DISC1: variants seen among roughly 807,000 people sequenced by gnomAD.
DISC1 encodes the protein DISC1 scaffold protein.
Under a neutral mutation model 84.5 loss-of-function variants are expected in DISC1, and 57 were observed. The observed-to-expected ratio is 0.67, with a 90% CI of 0.55 to 0.84. The LOEUF (loss-of-function observed/expected upper bound fraction) is 0.84, where lower values mean the gene tolerates loss of function less well. Among genes scored for constraint, DISC1 ranks in the 40% least tolerant of loss-of-function variants. The pLI is 0.00. For missense variants in DISC1, 1,000 were observed against 1,057.8 expected (o/e 0.95, Z 0.76); for synonymous variants, 411 against 415.2 (o/e 0.99, Z 0.12).
rs2058633870 is a variant in DISC1, at chr1:231,630,569, G to A, written c.67+3635G>A. On this transcript the variant is annotated intron_variant, in intron 1 of 12. Transcript: ENST00000439617. The surrounding 1 kb of genome is among the most constrained non-coding windows in gnomAD (Gnocchi z 4.4). ...ATTCCCTTGGCAGCCACCCTGGGTT[G>A]AGGAGGGTCCCCTCCTGGCACAGCT... Among the ~76,000 whole-genome samples the A allele has an allele frequency of 6.6e-6, 1 of 152,096 alleles. No homozygotes were observed. The highest frequency in any genetic ancestry group is 2.4e-5 in the African/African-American group (1 of 41,426).
chr1:231,878,300 C>T (rs936886758), intron 9 of DISC1, among the ~76,000 whole-genome samples: 6 of 152,016 alleles, frequency 3.9e-5, no homozygotes, highest in African/African-American at 1.4e-4. Flanking sequence ...AAATGGGGCA[C>T]CTGACCAGGC....
chr1:231,730,865 A>G (rs960367220), intron 3 of DISC1, among the ~76,000 whole-genome samples: 1 of 152,232 alleles, frequency 6.6e-6, no homozygotes. Flanking sequence ...TGATGACTGA[A>G]TATATGTCTA....
At chr1:231,928,980 T>C (rs2090500483) in intron 9 of DISC1, among the ~76,000 whole-genome samples, 3 of 152,232 alleles carry the variant, frequency 2.0e-5, no homozygotes, top group Admixed American at 2.0e-4. Context: ...CTTCCAATTA[T>C]GTGGTCAATT....
chr1:231,755,161 C>G (rs542241174), intron 4 of DISC1, among the ~76,000 whole-genome samples: 1 of 152,020 alleles, frequency 6.6e-6, no homozygotes, highest in Non-Finnish European at 1.5e-5. Context: ...TGCTACATTT[C>G]TGGCCATTCT....
intron 9 of DISC1, among the ~76,000 whole-genome samples, chr1:231,949,079 A>T (rs1263259823): frequency 6.6e-6 from 1 of 152,030 alleles, no homozygotes; most frequent in East Asian, 1.9e-4. Context: ...CATGTTAGCC[A>T]TGATGGTCTC....
In DISC1 at chr1:231,761,000, A is replaced by G. The variant is rs2075610033; in HGVS notation, c.1269-6140A>G. Among the ~76,000 whole-genome samples the G allele has an allele frequency of 2.6e-5, 4 of 152,352 alleles. No individual in the cohort carries two copies. The South Asian group carries it at 6.2e-4, about 24-fold the overall frequency. On this transcript the variant is annotated intron_variant, in intron 4 of 12. Transcript: ENST00000439617. ...AACAGTCACATGGTAAAAATTGTCA[A>G]TGGAATGAAAACATTTTTCCTGTGC...
chr1:231,891,534 G>A (rs1260073776), intron 9 of DISC1, among the ~76,000 whole-genome samples: 3 of 152,212 alleles, frequency 2.0e-5, no homozygotes, highest in Admixed American at 2.0e-4. Context: ...GGAATGCTGA[G>A]AGAGAGCAAG....
rs552557121 is a variant in DISC1 at position 231,833,173 on chromosome 1, C to G, written c.1981+14656C>G. Among the ~76,000 whole-genome samples the G allele has an allele frequency of 6.6e-5, 10 of 150,574 alleles. No homozygotes were observed. In the East Asian group the frequency reaches 9.7e-4, roughly 15 times the overall value. On this transcript the variant is annotated intron_variant, in intron 9 of 12. Transcript: ENST00000439617. ...GAAGCAGATAATTTAGTTAAAGTGTCTCAGCCTAATAAGGGAACTGGACAG... is the reference window on the plus strand; with the variant it reads ...GAAGCAGATAATTTAGTTAAAGTGTGTCAGCCTAATAAGGGAACTGGACAG...
At chr1:231,815,732 C>G (rs2080885580) in intron 8 of DISC1, among the ~76,000 whole-genome samples, 1 of 112,780 alleles carries the variant, frequency 8.9e-6, no homozygotes, top group Non-Finnish European at 1.9e-5. Flanking sequence ...GAACAAAACT[C>G]TGTCTCAAAA....
At chr1:231,684,341 A>G (rs59067809) in intron 1 of DISC1, among the ~76,000 whole-genome samples, 224 of 152,024 alleles carry the variant, frequency 1.5e-3, no homozygotes, top group African/African-American at 5.1e-3. Context: ...GGTTATAAAA[A>G]CTGTATTTAT....
intron 10 of DISC1, among the ~76,000 whole-genome samples, chr1:232,007,918 A>G (rs1273270960): frequency 6.6e-6 from 1 of 152,138 alleles, no homozygotes; most frequent in Non-Finnish European, 1.5e-5. Context: ...TTCCCAGGAT[A>G]GTGAGTTCTC....
intron 1 of DISC1, among the ~76,000 whole-genome samples, chr1:231,663,351 C>T (rs950160677): frequency 1.5e-4 from 23 of 152,176 alleles, no homozygotes; most frequent in Non-Finnish European, 1.3e-4. Flanking sequence ...GAGTAATAGA[C>T]AACTCTGCAA....
chr1:231,672,345 T>G (rs1295265099), intron 1 of DISC1, among the ~76,000 whole-genome samples: 2 of 152,190 alleles, frequency 1.3e-5, no homozygotes, highest in Non-Finnish European at 2.9e-5. Flanking sequence ...TCTTTTTACC[T>G]CTCTTGGGCT....
intron 12 of DISC1, among the ~76,000 whole-genome samples, chr1:232,034,907 AAAG>A (rs1012683902): frequency 3.3e-5 from 5 of 152,038 alleles, no homozygotes; most frequent in African/African-American, 1.2e-4. Flanking sequence ...TAAAAAAAAA[AAAG>A]AAAGAAAGGT....
In DISC1 at chr1:232,034,236, A is replaced by G. The variant is rs116668271; in HGVS notation, c.2426-2456A>G. ...TGACAGAGCCTAAGGTATTTGTTAC[A>G]TCTGTTATATTAAGAAATAAACCTT... On this transcript the variant is annotated intron_variant, in intron 12 of 12. Coordinates refer to ENST00000439617, the MANE Select transcript of DISC1 (RefSeq NM_018662.3). 4.3e-3 allele frequency among the ~76,000 whole-genome samples: 657 copies of G among 152,340 alleles called. 3 individuals are homozygous for G. The highest frequency in any genetic ancestry group is 0.014 in the African/African-American group (583 of 41,570).
intron 4 of DISC1, among the ~76,000 whole-genome samples, chr1:231,760,798 C>T (rs1227552556): frequency 6.6e-6 from 1 of 152,194 alleles, no homozygotes; most frequent in Non-Finnish European, 1.5e-5. Flanking sequence ...CTGAAGGTGG[C>T]CTCTCGAGCA....
At chr1:231,985,857 CTA>C (rs1013183414) in intron 10 of DISC1, among the ~76,000 whole-genome samples, 2 of 152,088 alleles carry the variant, frequency 1.3e-5, no homozygotes, top group African/African-American at 4.8e-5. Flanking sequence ...TTCCTAAGTG[CTA>C]TGTTTGGTTT....
rs1216574798 is a variant in DISC1 at position 231,818,727 on chromosome 1, A to G, written c.1981+210A>G. The G allele has an allele frequency of 4.3e-6, 6 of 1,410,766 alleles. No individual in the cohort carries two copies. In the East Asian group the frequency reaches 1.3e-4, roughly 30 times the overall value. The allele number at this position is 1,410,766 out of a possible 1,614,324, so 87.4% of individuals were successfully genotyped here. On this transcript the variant is annotated intron_variant, in intron 9 of 12. Transcript: ENST00000439617. ...TTTTGTTTTCATATTCACATGTGAC[A>G]TCTTTTCTTTTTCTGTTCCCTGTCT...
At position 231,897,746 on chromosome 1, in the gene DISC1, T is replaced by G. The variant is rs2126019360; in HGVS notation, c.1982-61082T>G. 6.6e-6 allele frequency among the ~76,000 whole-genome samples: 1 copy of G among 152,332 alleles called. No individual in the cohort carries two copies. Among genetic ancestry groups the G allele is most frequent in the South Asian group, 2.1e-4 (1 of 4,826 alleles). Reference sequence around the variant, plus strand: ...TTTACTTCACACTTGATCACTGGCATGTTCAAGAACAGATAGAGCTTTGTC... The same window carrying G: ...TTTACTTCACACTTGATCACTGGCAGGTTCAAGAACAGATAGAGCTTTGTC... On this transcript the variant is annotated intron_variant, in intron 9 of 12. Transcript: ENST00000439617. The surrounding 1 kb of genome is among the most constrained non-coding windows in gnomAD (Gnocchi z 4.5).
Sources: allele counts gnomAD v4.1 joint callset (sites outside exome capture counted in the v4.1 genomes callset), GRCh38; gene constraint gnomAD v4.1.1; non-coding constraint Gnocchi (gnomAD v3.1); transcripts MANE v1.5; gene names NCBI Gene and HGNC (gene_info 2026-07-23, HGNC 2026-07-21).